The following RPS6KA5 variants were observed in gnomAD, a reference collection of about 807,000 sequenced individuals.
RPS6KA5 encodes ribosomal protein S6 kinase alpha-5.
In RPS6KA5, 27 loss-of-function variants were observed where a neutral mutation model predicts 85.5. The observed-to-expected ratio is 0.32, with a 90% confidence interval of 0.23 to 0.44. The LOEUF (loss-of-function observed/expected upper bound fraction) is 0.44, where lower values mean the gene tolerates loss of function less well. RPS6KA5 is among the 20% of genes least tolerant of loss of function. The pLI, the probability that RPS6KA5 is intolerant of heterozygous loss-of-function variation, is 1.00. For synonymous variants in RPS6KA5, 334 were observed against 348.2 expected (o/e 0.96, Z 0.46); for missense variants, 811 against 980.9 (o/e 0.83, Z 2.31).
chr14:91,020,544 G>GTGTA, intron 1 of RPS6KA5, among the ~76,000 whole-genome samples: 1 of 41,832 alleles, frequency 2.4e-5, no homozygotes, highest in South Asian at 7.7e-4. Flanking sequence ...CTGTGTGTGT[G>GTGTA]TGTGTGTGTG....
chr14:90,893,773 G>A (rs1197725547), intron 13 of RPS6KA5, among the ~76,000 whole-genome samples: 1 of 151,874 alleles, frequency 6.6e-6, no homozygotes, highest in Admixed American at 6.6e-5. Context: ...TCTAAAAGGA[G>A]GGAATTTTCA....
At chr14:90,952,683 G>A (rs11847401) in intron 3 of RPS6KA5, among the ~76,000 whole-genome samples, 5,079 of 152,282 alleles carry the variant, frequency 0.033, 277 homozygotes, top group African/African-American at 0.12. Context: ...CTCAAACATC[G>A]CATGCAAATG....
chr14:90,982,661 T>G (rs2039845840), intron 2 of RPS6KA5, among the ~76,000 whole-genome samples: 1 of 152,176 alleles, frequency 6.6e-6, no homozygotes, highest in Non-Finnish European at 1.5e-5. Context: ...AGCCAAGGTC[T>G]TTTCAAGATA....
intron 1 of RPS6KA5, among the ~76,000 whole-genome samples, chr14:91,013,327 C>T (rs187275665): frequency 1.3e-5 from 2 of 152,280 alleles, no homozygotes; most frequent in East Asian, 3.9e-4. Flanking sequence ...CCAGAGGGGA[C>T]ACTCAGGCAG....
Position 90,923,127 on chromosome 14 carries a change from A to C in RPS6KA5, c.688T>G (p.Ser230Ala). 6.2e-7 allele frequency: 1 copy of C among 1,610,466 alleles called. No homozygotes were observed. The highest frequency in any genetic ancestry group is 8.5e-7 in the Non-Finnish European group (1 of 1,177,096). Residue 230 changes from serine to alanine, a missense_variant, in exon 6 of 17, where the codon TCA (serine) becomes GCA (alanine). Ser to Ala is a moderately conservative substitution (Grantham distance 99). This residue lies in a region of RPS6KA5 where 650 missense variants were observed against 793.4 expected (regional missense o/e 0.82). Transcript: ENST00000614987. ...MAPDIVRGGD[S>A]GHDKAVDWWS... Reference sequence around the variant, plus strand: ...ATAGAACATACCTTGTCATGTCCTGAATCTCCCCCTCTGACAATATCTGGT... The same window carrying C: ...ATAGAACATACCTTGTCATGTCCTGCATCTCCCCCTCTGACAATATCTGGT...
chr14:91,059,788 T>G (rs1248962199), intron 1 of RPS6KA5, among the ~76,000 whole-genome samples: 1 of 152,216 alleles, frequency 6.6e-6, no homozygotes, highest in Non-Finnish European at 1.5e-5. Flanking sequence ...GCGATTCCTG[T>G]TCCTGTCTCT....
At position 90,848,124 on chromosome 14, in the gene RPS6KA5, A is replaced by C. The variant is rs1465419523; in HGVS notation, c.*23950T>G. 1.3e-5 allele frequency: 2 copies of C among 152,212 alleles called. No homozygotes were observed. The highest frequency in any genetic ancestry group is 4.8e-5 in the African/African-American group (2 of 41,446). 9.4% of individuals were successfully genotyped at this position (152,212 alleles called of 1,614,324 possible). A position where few individuals can be genotyped will look rare whatever the true frequency, so the allele number is the denominator to read the frequency against. ...AGAGAAAACTAACTTCCAGACCATG[A>C]AGGAAAAAAAAATACATGCCTCTTA... is the stretch of plus-strand genomic sequence containing the variant. On this transcript the variant is annotated 3_prime_UTR_variant, in exon 17 of 17. Transcript: ENST00000614987.
Position 90,855,100 on chromosome 14 carries a change from C to T in RPS6KA5, c.*16974G>A, listed in dbSNP as rs1323583261. On this transcript the variant is annotated 3_prime_UTR_variant, in exon 17 of 17. Transcript: ENST00000614987. ...CAGCGAATAAAAAGATGTATAAGTTCACTCATATTGATAAAACTTTTGCAT... is the reference window on the plus strand; with the variant it reads ...CAGCGAATAAAAAGATGTATAAGTTTACTCATATTGATAAAACTTTTGCAT... 6.6e-6 allele frequency: 1 copy of T among 152,098 alleles called. No homozygotes were observed. The highest frequency in any genetic ancestry group is 1.5e-5 in the Non-Finnish European group (1 of 68,032). The allele number at this position is 152,098 out of a possible 1,614,324, so 9.4% of individuals were successfully genotyped here.
chr14:90,982,285 C>CAA (rs5810527), intron 2 of RPS6KA5, among the ~76,000 whole-genome samples: 1 of 144,714 alleles, frequency 6.9e-6, no homozygotes, highest in African/African-American at 2.6e-5. Flanking sequence ...ATTCCTTTGG[C>CAA]AAAAAAAAAA....
intron 1 of RPS6KA5, among the ~76,000 whole-genome samples, chr14:91,046,010 CCCA>C (rs2042859135): frequency 6.6e-6 from 1 of 152,164 alleles, no homozygotes; most frequent in Non-Finnish European, 1.5e-5. Context: ...CGCTCTTCAC[CCCA>C]CAACAACCAG....
chr14:90,916,952 CCA>C (rs1171217739), intron 7 of RPS6KA5, among the ~76,000 whole-genome samples: 1 of 152,168 alleles, frequency 6.6e-6, no homozygotes, highest in African/African-American at 2.4e-5. Flanking sequence ...ATACTTCTCT[CCA>C]CACTCAGACC....
chr14:90,962,667 G>A (rs576082390), intron 3 of RPS6KA5, among the ~76,000 whole-genome samples: 3 of 151,542 alleles, frequency 2.0e-5, no homozygotes, highest in Admixed American at 6.6e-5. Flanking sequence ...CGGTTTTCTC[G>A]AAAAAAGTAC....
chr14:91,027,502 A>G (rs2042028305), intron 1 of RPS6KA5, among the ~76,000 whole-genome samples: 1 of 152,148 alleles, frequency 6.6e-6, no homozygotes, highest in Non-Finnish European at 1.5e-5. Flanking sequence ...GATTATTTGC[A>G]GCTCCACAGT....
At chr14:91,031,537 C>T (rs1189711923) in intron 1 of RPS6KA5, among the ~76,000 whole-genome samples, 1 of 151,954 alleles carries the variant, frequency 6.6e-6, no homozygotes, top group Non-Finnish European at 1.5e-5. Flanking sequence ...CAGAGTTCCA[C>T]AAAGGACTGT....
chr14:90,904,527 G>GT (rs966166694), intron 8 of RPS6KA5, among the ~76,000 whole-genome samples: 91 of 152,168 alleles, frequency 6.0e-4, no homozygotes, highest in African/African-American at 2.0e-3. Context: ...CTAGTTAAGT[G>GT]TTTTTTTCTC....
At chr14:90,901,438 G>C (rs1216882633) in intron 9 of RPS6KA5, among the ~76,000 whole-genome samples, 1 of 152,166 alleles carries the variant, frequency 6.6e-6, no homozygotes, top group African/African-American at 2.4e-5. Flanking sequence ...TCTCACTAAA[G>C]TTAGTTTCTA....
chr14:90,898,831 A>T (rs1479904858), intron 12 of RPS6KA5, among the ~76,000 whole-genome samples: 1 of 152,158 alleles, frequency 6.6e-6, no homozygotes, highest in Non-Finnish European at 1.5e-5. Context: ...TTCTGAGCAG[A>T]ATTTACCACC....
intron 1 of RPS6KA5, among the ~76,000 whole-genome samples, chr14:91,020,942 T>A (rs942583953): frequency 1.2e-4 from 18 of 152,128 alleles, no homozygotes; most frequent in Admixed American, 6.5e-4. Flanking sequence ...AATACTTAGG[T>A]GATGTGTGCT....
intron 3 of RPS6KA5, among the ~76,000 whole-genome samples, chr14:90,972,345 C>T (rs2039362308): frequency 6.6e-6 from 1 of 152,056 alleles, no homozygotes; most frequent in Non-Finnish European, 1.5e-5. Context: ...GGGCAGAGGG[C>T]AACTAACCTT....
Sources: gnomAD v4.1 joint callset for allele counts (sites outside exome capture counted in the v4.1 genomes callset) on GRCh38, gnomAD v4.1.1 for gene constraint, gnomAD v4.1.1 regional missense constraint, MANE v1.5 for transcripts, NCBI Gene and HGNC (gene_info 2026-07-23, HGNC 2026-07-21) for gene names.